Variants in ANKRD11 observed in about 807,000 individuals in gnomAD.
The protein encoded by ANKRD11 is ankyrin repeat domain 11, also known as ankyrin repeat domain-containing protein 11.
In ANKRD11, 17 loss-of-function variants were observed where a neutral mutation model predicts 195.7. The observed-to-expected ratio is 0.09, with a 90% CI of 0.06 to 0.13. ANKRD11 has a LOEUF of 0.13. Ranked by LOEUF, ANKRD11 falls within the 10% of genes least tolerant of loss-of-function variation. The pLI is 1.00. For synonymous variants in ANKRD11, 1,953 were observed against 1,528.1 expected (o/e 1.28, Z -6.49); for missense variants, 3,735 against 3,566.1 (o/e 1.05, Z -1.21).
chr16:89,298,208 A>G (rs555233478), intron 4 of ANKRD11: 1 of 152,480 alleles, frequency 6.6e-6, no homozygotes, highest in Non-Finnish European at 1.5e-5. Flanking sequence ...AATGTCGGCA[A>G]AAGGGCTCAG....
At chr16:89,325,162 G>C (rs747430114) in intron 2 of ANKRD11, 5 of 152,508 alleles carry the variant, frequency 3.3e-5, no homozygotes, top group Non-Finnish European at 4.4e-5. Context: ...CATAGCAGTG[G>C]GGTTTGCGGC....
chr16:89,326,840 A>C (rs2037752647), intron 2 of ANKRD11, among the ~76,000 whole-genome samples: 1 of 152,230 alleles, frequency 6.6e-6, no homozygotes, highest in African/African-American at 2.4e-5. Context: ...AAAGGGGCTT[A>C]ACACAAAGCC....
rs1267167307 is a variant in ANKRD11 at position 89,285,743 on chromosome 16, G to C, written c.893-94C>G. 7 of 1,398,426 alleles carry C rather than the reference G, an allele frequency of 5.0e-6. No homozygotes were observed. The highest frequency in any genetic ancestry group is 1.8e-4 in the Middle Eastern group (1 of 5,590). The allele number at this position is 1,398,426 out of a possible 1,614,324, so 86.6% of individuals were successfully genotyped here. On this transcript the variant is annotated intron_variant, in intron 8 of 12. Coordinates refer to ENST00000301030, the MANE Select transcript of ANKRD11 (RefSeq NM_013275.6). This position sits in a 1 kb window ranked among gnomAD's most constrained non-coding sequence, Gnocchi z 5.6. ...GGAGGCTCTGCAGATGTGTCTGCGG[G>C]AAGGTTCCCACCCTGCCTCTGCAGA...
intron 4 of ANKRD11, chr16:89,298,738 G>A (rs1404763482): frequency 6.6e-6 from 1 of 152,204 alleles, no homozygotes; most frequent in African/African-American, 2.4e-5. Flanking sequence ...GCGGCTTGGG[G>A]ATTACAGAAT....
intron 1 of ANKRD11, among the ~76,000 whole-genome samples, chr16:89,474,427 G>C (rs1489612993): frequency 6.6e-6 from 1 of 151,328 alleles, no homozygotes; most frequent in African/African-American, 2.4e-5. Flanking sequence ...GACCAGCCTG[G>C]GCAACATGGT....
intron 2 of ANKRD11, chr16:89,323,402 C>T (rs971125959): frequency 1.4e-4 from 174 of 1,227,096 alleles, no homozygotes; most frequent in Non-Finnish European, 3.6e-5. Context: ...GAGCAAGCAG[C>T]CCAGGGCAGG....
intron 1 of ANKRD11, among the ~76,000 whole-genome samples, chr16:89,452,863 C>A (rs769697452): frequency 6.7e-6 from 1 of 149,642 alleles, no homozygotes; most frequent in Non-Finnish European, 1.5e-5. Context: ...CTTTTAGATT[C>A]TTGTTTTCAC....
chr16:89,449,852 G>T (rs1352692174), intron 1 of ANKRD11, among the ~76,000 whole-genome samples: 2 of 145,492 alleles, frequency 1.4e-5, no homozygotes, highest in Admixed American at 7.0e-5. Context: ...TCACATACTG[G>T]CAACAGAAAG....
At chr16:89,389,533 G>A (rs748506777) in intron 2 of ANKRD11, among the ~76,000 whole-genome samples, 61 of 152,110 alleles carry the variant, frequency 4.0e-4, no homozygotes, top group South Asian at 2.1e-4. Context: ...CTAAAAACAC[G>A]GAAGCTAGGA....
chr16:89,423,246 G>A (rs1306331849), intron 1 of ANKRD11, among the ~76,000 whole-genome samples: 3 of 152,222 alleles, frequency 2.0e-5, no homozygotes, highest in Non-Finnish European at 2.9e-5. Context: ...TGCAAACAAT[G>A]ATTTTCATTC....
intron 2 of ANKRD11, among the ~76,000 whole-genome samples, chr16:89,355,833 T>A (rs1367250670): frequency 6.6e-6 from 1 of 152,172 alleles, no homozygotes; most frequent in Admixed American, 6.5e-5. Context: ...GTGGCTCTCC[T>A]GTGCGCAGCC....
intron 2 of ANKRD11, among the ~76,000 whole-genome samples, chr16:89,334,785 G>A (rs2038261357): frequency 6.6e-6 from 1 of 152,106 alleles, no homozygotes; most frequent in South Asian, 2.1e-4. Context: ...GCCCACCCAC[G>A]TGTCCACCAG....
intron 1 of ANKRD11, among the ~76,000 whole-genome samples, chr16:89,444,426 G>A (rs1265258882): frequency 6.7e-6 from 1 of 149,102 alleles, no homozygotes; most frequent in African/African-American, 2.5e-5. Context: ...GCTCCAGAAA[G>A]CACTAACGGC....
chr16:89,383,182 C>A (rs925674774), intron 2 of ANKRD11, among the ~76,000 whole-genome samples: 3 of 152,194 alleles, frequency 2.0e-5, no homozygotes, highest in Admixed American at 1.3e-4. Flanking sequence ...GTAAAGGGAG[C>A]GGTGCGAGGT....
chr16:89,475,472 TC>T (rs1386927520), intron 1 of ANKRD11, among the ~76,000 whole-genome samples: 3 of 152,166 alleles, frequency 2.0e-5, no homozygotes, highest in African/African-American at 7.2e-5. Context: ...TGAAAATTAT[TC>T]TCTATTAAAA....
chr16:89,406,880 C>A (rs1432955146), intron 2 of ANKRD11, among the ~76,000 whole-genome samples: 1 of 152,168 alleles, frequency 6.6e-6, no homozygotes, highest in Non-Finnish European at 1.5e-5. Context: ...GACAAATCAG[C>A]AACATTAAGA....
At chr16:89,482,697 C>T (rs1413580744) in intron 1 of ANKRD11, among the ~76,000 whole-genome samples, 3 of 152,116 alleles carry the variant, frequency 2.0e-5, no homozygotes, top group Admixed American at 6.5e-5. Context: ...GGGGCTGAGG[C>T]GGGAGGATTG....
chr16:89,275,301 C>T (rs2033556347), intron 9 of ANKRD11, 110 bp from the exon 10 acceptor site: 1 of 930,912 alleles, frequency 1.1e-6, no homozygotes, highest in Non-Finnish European at 1.6e-6. Context: ...TCCTAGGAGC[C>T]TGCCCTGGAG....
chr16:89,482,771 AAC>A (rs2057484931), intron 1 of ANKRD11, among the ~76,000 whole-genome samples: 1 of 152,192 alleles, frequency 6.6e-6, no homozygotes, highest in Admixed American at 6.5e-5. Context: ...CAGCCTGGGC[AAC>A]AGAGCCGAGA....
Sources: allele counts gnomAD v4.1 joint callset (sites outside exome capture counted in the v4.1 genomes callset), GRCh38; gene constraint gnomAD v4.1.1; non-coding constraint Gnocchi (gnomAD v3.1); transcripts MANE v1.5; gene names NCBI Gene and HGNC (gene_info 2026-07-23, HGNC 2026-07-21).